Variants in MDN1 observed in about 807,000 individuals in gnomAD.
MDN1 encodes midasin AAA ATPase 1.
Under a neutral mutation model 669.2 loss-of-function variants are expected in MDN1, and 266 were observed. That is an observed-to-expected ratio of 0.40 (90% CI 0.36 to 0.44). The LOEUF (loss-of-function observed/expected upper bound fraction) is 0.44. MDN1 is among the 20% of genes least tolerant of loss of function. MDN1 has a pLI of 1.00. For missense variants in MDN1, 5,940 were observed against 6,754.0 expected, an observed-to-expected ratio of 0.88 and a Z score of 4.22; for synonymous variants, 2,385 against 2,457.1, an observed-to-expected ratio of 0.97 and a Z score of 0.87.
chr6:89,671,150 A>G, intron 82 of MDN1, 70 bp from the exon 83 acceptor site: 1 of 1,504,642 alleles, frequency 6.6e-7, no homozygotes, highest in Non-Finnish European at 9.0e-7. Flanking sequence ...TTCTGGAACT[A>G]GATAGTGGTG....
chr6:89,677,753 C>G (rs878881270), intron 75 of MDN1, 57 bp from the exon 76 acceptor site: 6 of 1,607,938 alleles, frequency 3.7e-6, no homozygotes, highest in Middle Eastern at 3.3e-4. Context: ...ATGGATGTGC[C>G]CCCCTCTCCC....
intron 59 of MDN1, 91 bp from the exon 60 acceptor site, chr6:89,696,665 G>A (rs1812768236): frequency 1.0e-6 from 1 of 971,804 alleles, no homozygotes; most frequent in Admixed American, 2.0e-5. Flanking sequence ...GAAACAGACA[G>A]TTCAGGTTGC....
At position 89,731,026 on chromosome 6, in the gene MDN1, G is replaced by A. The variant is rs1815564008; in HGVS notation, c.4943-103C>T. 5.4e-6 allele frequency: 5 copies of A among 923,242 alleles called. No homozygotes were observed. In the East Asian group the frequency reaches 1.3e-4, roughly 24 times the overall value. 57.2% of individuals were successfully genotyped at this position (923,242 alleles called of 1,614,324 possible). On this transcript the variant is annotated intron_variant, in intron 34 of 101. Coordinates refer to ENST00000369393, the MANE Select transcript of MDN1 (RefSeq NM_014611.3). Reference sequence around the variant, plus strand: ...AGGTTCCCGGAAAAAAGAGGCCTCAGCAAAACTGCAGCCTAAATGTGATTT... The same window carrying A: ...AGGTTCCCGGAAAAAAGAGGCCTCAACAAAACTGCAGCCTAAATGTGATTT...
At chr6:89,729,575 G>A (rs975499933) in intron 35 of MDN1, among the ~76,000 whole-genome samples, 2 of 151,508 alleles carry the variant, frequency 1.3e-5, no homozygotes, top group Non-Finnish European at 2.9e-5. Context: ...TTCACACTGT[G>A]TCCTTAACCT....
At chr6:89,645,429 TGTTAA>T (rs1244389408) in intron 100 of MDN1, among the ~76,000 whole-genome samples, 1 of 152,190 alleles carries the variant, frequency 6.6e-6, no homozygotes, top group African/African-American at 2.4e-5. Context: ...CTTCAAGAAA[TGTTAA>T]GTTCTGCTCA....
chr6:89,690,221 A>G, intron 64 of MDN1, 78 bp from the exon 65 acceptor site: 2 of 1,450,346 alleles, frequency 1.4e-6, no homozygotes, highest in Non-Finnish European at 1.9e-6. Flanking sequence ...AGAAAGAAAA[A>G]AGCATAAGAA....
chr6:89,700,490 G>T (rs1009953263), intron 56 of MDN1, among the ~76,000 whole-genome samples, 156 bp downstream of exon 56: 2 of 152,020 alleles, frequency 1.3e-5, no homozygotes, highest in Admixed American at 6.6e-5. Context: ...AAATATATGT[G>T]AAATTTAGTC....
intron 2 of MDN1, among the ~76,000 whole-genome samples, chr6:89,801,172 G>C (rs554133487): frequency 1.3e-5 from 2 of 152,288 alleles, no homozygotes; most frequent in East Asian, 3.9e-4. Flanking sequence ...AAGGCGGGCA[G>C]ATCACCCGAG....
chr6:89,724,084 A>G (rs1815032606), intron 38 of MDN1, among the ~76,000 whole-genome samples: 3 of 152,080 alleles, frequency 2.0e-5, no homozygotes, highest in Non-Finnish European at 2.9e-5. Flanking sequence ...AGGAGATTGC[A>G]GTGAGCCAAG....
At position 89,694,243 on chromosome 6, in the gene MDN1, C is replaced by T. The variant is rs1812568669; in HGVS notation, c.9772-60G>A. ...CCAGCTATGACCATGCACATGAGGA[C>T]AATGTCCTGGGGACACGTAGAGGAA... is the stretch of plus-strand genomic sequence containing the variant. On this transcript the variant is annotated intron_variant, in intron 61 of 101. Transcript: ENST00000369393. The T allele has an allele frequency of 2.4e-5, 34 of 1,412,752 alleles. No homozygotes were observed. The East Asian group carries it at 7.5e-4, about 31-fold the overall frequency. The allele number at this position is 1,412,752 out of a possible 1,614,324, so 87.5% of individuals were successfully genotyped here. A position where few individuals can be genotyped will look rare whatever the true frequency, so the allele number is the denominator to read the frequency against.
intron 15 of MDN1, among the ~76,000 whole-genome samples, chr6:89,768,523 T>C (rs914463661): frequency 6.6e-6 from 1 of 152,156 alleles, no homozygotes; most frequent in African/African-American, 2.4e-5. Context: ...TTATCAGCAG[T>C]GTGAGAACAA....
Position 89,650,141 on chromosome 6 carries a change from A to G in MDN1, c.16089T>C (p.Ala5363=). The change falls in exon 97 of 102, where the codon GCT becomes GCC. Residue 5363 remains alanine (A), a synonymous_variant. Transcript: ENST00000369393. The part of the protein sequence containing the change: ...LNIRKVIPYI[A]SQFRKDKIWL... ...AAATCTTGTCTTTCCGAAATTGACT[A>G]GCAATGTATGGAATGACTTTCCGTA... The G allele has an allele frequency of 6.2e-7, 1 of 1,614,188 alleles. No individual in the cohort carries two copies. Among genetic ancestry groups the G allele is most frequent in the African/African-American group, 1.3e-5 (1 of 75,050 alleles).
At chr6:89,694,215 G>T in intron 61 of MDN1, 32 bp from the exon 62 acceptor site, 1 of 1,556,642 alleles carries the variant, frequency 6.4e-7, no homozygotes, top group Non-Finnish European at 8.9e-7. Flanking sequence ...AGTCCACTGT[G>T]TCCCAGCTAT....
At position 89,656,732 on chromosome 6, in the gene MDN1, C is replaced by A. The variant is rs1006571779; in HGVS notation, c.15253G>T (p.Ala5085Ser). ...GHESNFIAQLASQKHTRKNTQ... is the reference protein window; with the variant it reads ...GHESNFIAQLSSQKHTRKNTQ... ...TTTTTCCTGGTGTGCTTCTGGGAGGCCAACTGGGCAATGAAATTCGATTCA... is the reference window on the plus strand; with the variant it reads ...TTTTTCCTGGTGTGCTTCTGGGAGGACAACTGGGCAATGAAATTCGATTCA... Residue 5085 changes from alanine (A) to serine (S), a missense_variant, in exon 91 of 102, where the codon GCC (alanine) becomes TCC (serine). This residue lies in a region of MDN1 where 2,280 missense variants were observed against 2,576.3 expected (regional missense o/e 0.88). Coordinates refer to ENST00000369393, the MANE Select transcript of MDN1 (RefSeq NM_014611.3). 2 of 1,612,502 alleles carry A rather than the reference C, an allele frequency of 1.2e-6. No homozygotes were observed. The highest frequency in any genetic ancestry group is 8.5e-7 in the Non-Finnish European group (1 of 1,179,354).
chr6:89,781,270 G>C, intron 10 of MDN1, 129 bp downstream of exon 10: 1 of 816,816 alleles, frequency 1.2e-6, no homozygotes, highest in Non-Finnish European at 2.0e-6. Flanking sequence ...TAAGAACTTT[G>C]AACCTAGGAG....
In MDN1 at chr6:89,661,590, T is replaced by C; in HGVS notation, c.14566-12A>G. On this transcript the variant is annotated splice_polypyrimidine_tract_variant and intron_variant, in intron 87 of 101. Coordinates refer to ENST00000369393, the MANE Select transcript of MDN1 (RefSeq NM_014611.3). ...TCATCATAGTCCCTCTTTGGGACAA[T>C]GGAGACAACAGGGATAAAATAAAAA... is the stretch of plus-strand genomic sequence containing the variant. 1 of 1,604,286 alleles carries C rather than the reference T, an allele frequency of 6.2e-7. No homozygotes were observed. Among genetic ancestry groups the C allele is most frequent in the Admixed American group, 1.8e-5 (1 of 57,028 alleles).
At position 89,699,018 on chromosome 6, in the gene MDN1, A is replaced by G; in HGVS notation, c.9015T>C (p.Ile3005=). The G allele has an allele frequency of 2.5e-6, 4 of 1,613,198 alleles. No individual in the cohort carries two copies. The South Asian group carries it at 4.4e-5, about 18-fold the overall frequency. Residue 3005 remains isoleucine (I), a synonymous_variant, in exon 59 of 102, where the codon ATT becomes ATC. Coordinates refer to ENST00000369393, the MANE Select transcript of MDN1 (RefSeq NM_014611.3). ...TAAATAACTCGGACCACAAAGATGT[A>G]ATTTCTTCAGGAGACACCTAGAAAT... ...LHHQKVSPEE[I]TSLWSELFNS... is the part of the protein sequence containing the mutation.
chr6:89,801,934 C>T (rs138789063), intron 2 of MDN1, among the ~76,000 whole-genome samples: 137 of 151,844 alleles, frequency 9.0e-4, no homozygotes, highest in African/African-American at 3.2e-3. Context: ...TGCACTCCAG[C>T]CTGGGCAACA....
chr6:89,704,474 AT>A (rs1236544762), intron 53 of MDN1, among the ~76,000 whole-genome samples: 2 of 152,204 alleles, frequency 1.3e-5, no homozygotes, highest in Non-Finnish European at 2.9e-5. Flanking sequence ...CTTTTTACTT[AT>A]TTATATTGAA....
Sources: allele counts gnomAD v4.1 joint callset (sites outside exome capture counted in the v4.1 genomes callset), GRCh38; gene constraint gnomAD v4.1.1; regional missense constraint gnomAD v4.1.1; transcripts MANE v1.5; gene names NCBI Gene and HGNC (gene_info 2026-07-23, HGNC 2026-07-21).